The following INSR variants were observed in gnomAD, a reference collection of about 807,000 sequenced individuals.
INSR encodes the protein insulin receptor.
In INSR, 67 loss-of-function variants were observed where a neutral mutation model predicts 142.6. That is an observed-to-expected ratio of 0.47 (90% CI 0.39 to 0.58). INSR has a LOEUF of 0.58. INSR is among the 20% of genes least tolerant of loss of function. The probability of loss-of-function intolerance (pLI) is 0.00; values close to 1 mark genes in which losing one functional copy is unlikely to be tolerated. For missense variants in INSR, 1,248 were observed against 1,833.2 expected, an observed-to-expected ratio of 0.68 and a Z score of 5.83; for synonymous variants, 756 against 743.1, an observed-to-expected ratio of 1.02 and a Z score of -0.28.
At position 7,147,445 on chromosome 19, in the gene INSR, G is replaced by A. The variant is rs571742977; in HGVS notation, c.2267+3052C>T. Among the ~76,000 whole-genome samples, 23 of 152,216 alleles carry A rather than the reference G, an allele frequency of 1.5e-4. No homozygotes were observed. The South Asian group carries it at 2.5e-3, about 17-fold the overall frequency. On this transcript the variant is annotated intron_variant, in intron 11 of 21. Transcript: ENST00000302850. The stretch of plus-strand genomic sequence containing the variant: ...CTGCCTGGGCCTCCCAAAGTGCTGC[G>A]ATTACAGGTGTGAGTCACTGCGCCC...
At chr19:7,280,964 G>A (rs1390401637) in intron 1 of INSR, among the ~76,000 whole-genome samples, 3 of 152,128 alleles carry the variant, frequency 2.0e-5, no homozygotes, top group Non-Finnish European at 4.4e-5. Flanking sequence ...CAGGGACTAG[G>A]AAGGGCACCT....
At chr19:7,135,090 T>TAAAAAAAA (rs5826960) in intron 13 of INSR, among the ~76,000 whole-genome samples, 1 of 78,440 alleles carries the variant, frequency 1.3e-5, no homozygotes, top group African/African-American at 5.6e-5. Flanking sequence ...AAAGAAATGT[T>TAAAAAAAA]AAAAAAAAAA....
rs1408742483 is a variant in INSR at position 7,115,235 on chromosome 19, T to C, written c.*1821A>G. ...GCACTCAGGAATAACGCATGGGCGA[T>C]GATTTTTTGATGAACCAAAGTGATG... On this transcript the variant is annotated 3_prime_UTR_variant, in exon 22 of 22. Transcript: ENST00000302850. 2 of 152,284 alleles carry C rather than the reference T, an allele frequency of 1.3e-5. No individual in the cohort carries two copies. Among genetic ancestry groups the C allele is most frequent in the African/African-American group, 2.4e-5 (1 of 41,482 alleles). The allele number at this position is 152,284 out of a possible 1,614,324, so 9.4% of individuals were successfully genotyped here.
intron 2 of INSR, among the ~76,000 whole-genome samples, chr19:7,217,410 G>C (rs1450593899): frequency 6.6e-6 from 1 of 152,128 alleles, no homozygotes; most frequent in Admixed American, 6.6e-5. Context: ...TGCCAAGTGA[G>C]GTACCAAATT....
chr19:7,187,312 C>T (rs1445575808), intron 2 of INSR, among the ~76,000 whole-genome samples: 1 of 151,778 alleles, frequency 6.6e-6, no homozygotes, highest in Non-Finnish European at 1.5e-5. Flanking sequence ...GAACTCCTGA[C>T]CTCAAGTGAT....
intron 14 of INSR, among the ~76,000 whole-genome samples, chr19:7,131,115 A>G (rs1173723230): frequency 6.7e-6 from 1 of 149,182 alleles, no homozygotes; most frequent in Non-Finnish European, 1.5e-5. Context: ...CCTGACCTCA[A>G]GTGATCCGCC....
intron 2 of INSR, among the ~76,000 whole-genome samples, chr19:7,257,235 T>C (rs1976922041): frequency 6.6e-6 from 1 of 152,090 alleles, no homozygotes; most frequent in African/African-American, 2.4e-5. Context: ...TGAGCCACCG[T>C]GCCCGGCCTC....
At chr19:7,283,754 C>T (rs1280430566) in intron 1 of INSR, among the ~76,000 whole-genome samples, 1 of 152,068 alleles carries the variant, frequency 6.6e-6, no homozygotes, top group East Asian at 1.9e-4. Context: ...AAACCACTTG[C>T]AGCCGATTCT....
intron 2 of INSR, among the ~76,000 whole-genome samples, chr19:7,249,571 A>G (rs149462616): frequency 6.6e-6 from 1 of 152,246 alleles, no homozygotes; most frequent in East Asian, 1.9e-4. Context: ...GCCCATTTTT[A>G]AAAAATGGGT....
At chr19:7,149,150 G>A (rs978116077) in intron 11 of INSR, among the ~76,000 whole-genome samples, 1 of 150,366 alleles carries the variant, frequency 6.7e-6, no homozygotes, top group Admixed American at 6.6e-5. Flanking sequence ...CTCATGATCC[G>A]CCCGCCTCGG....
At chr19:7,207,495 C>G (rs1258472626) in intron 2 of INSR, among the ~76,000 whole-genome samples, 1 of 152,070 alleles carries the variant, frequency 6.6e-6, no homozygotes, top group Non-Finnish European at 1.5e-5. Flanking sequence ...AGCCCCCTCA[C>G]CCACACACAG....
At chr19:7,276,338 G>A (rs959080248) in intron 1 of INSR, among the ~76,000 whole-genome samples, 10 of 151,922 alleles carry the variant, frequency 6.6e-5, no homozygotes, top group African/African-American at 2.4e-4. Context: ...TAGAGATGGG[G>A]TTTCACCATG....
At chr19:7,184,046 G>A (rs1427405699) in intron 3 of INSR, among the ~76,000 whole-genome samples, 1 of 79,088 alleles carries the variant, frequency 1.3e-5, no homozygotes, top group East Asian at 3.0e-4. Flanking sequence ...GAGTCTTGCG[G>A]CAAGACTCCA....
At position 7,216,530 on chromosome 19, in the gene INSR, C is replaced by T. The variant is rs1273358653; in HGVS notation, c.653-31893G>A. Among the ~76,000 whole-genome samples, 2 of 152,168 alleles carry T rather than the reference C, an allele frequency of 1.3e-5. No homozygotes were observed. The highest frequency in any genetic ancestry group is 2.9e-5 in the Non-Finnish European group (2 of 68,032). On this transcript the variant is annotated intron_variant, in intron 2 of 21. Transcript: ENST00000302850. The surrounding 1 kb of genome is among the most constrained non-coding windows in gnomAD (Gnocchi z 4.2). Reference sequence around the variant, plus strand: ...GGGAACCACGGGGGATGTCCCCGGGCTCTGGGTTCGAAAATGCAGGCCCCT... The same window carrying T: ...GGGAACCACGGGGGATGTCCCCGGGTTCTGGGTTCGAAAATGCAGGCCCCT...
chr19:7,121,207 C>G (rs1268702673), intron 19 of INSR, among the ~76,000 whole-genome samples: 1 of 152,092 alleles, frequency 6.6e-6, no homozygotes, highest in Non-Finnish European at 1.5e-5. Context: ...CCGTGTTGAC[C>G]AGGCTGGTCT....
intron 2 of INSR, among the ~76,000 whole-genome samples, chr19:7,220,332 C>T (rs74176220): frequency 0.035 from 5,332 of 152,270 alleles, 141 homozygotes; most frequent in Non-Finnish European, 0.058. Context: ...GCTCTGTCGC[C>T]CAGCCTGGAG....
intron 2 of INSR, among the ~76,000 whole-genome samples, chr19:7,262,006 G>A (rs1211895653): frequency 6.6e-6 from 1 of 152,170 alleles, no homozygotes. Context: ...TGCCAAGTGT[G>A]GAAGACAAAA....
In INSR at chr19:7,114,682, A is replaced by T. The variant is rs1350997290; in HGVS notation, c.*2374T>A. On this transcript the variant is annotated 3_prime_UTR_variant, in exon 22 of 22. Coordinates refer to ENST00000302850, the MANE Select transcript of INSR (RefSeq NM_000208.4). ...GAGGTAGACTGTGCTGAAAAAAGAA[A>T]ATCACTATCCCCCATTCACCTGTTT... is the stretch of plus-strand genomic sequence containing the variant. The T allele has an allele frequency of 6.6e-6, 1 of 152,618 alleles. No individual in the cohort carries two copies. The highest frequency in any genetic ancestry group is 1.5e-5 in the Non-Finnish European group (1 of 68,040). 9.5% of individuals were successfully genotyped at this position (152,618 alleles called of 1,614,324 possible). A position where few individuals can be genotyped will look rare whatever the true frequency, so the allele number is the denominator to read the frequency against.
rs976597982 is a variant in INSR at position 7,267,089 on chromosome 19, G to T, written c.652+256C>A. On this transcript the variant is annotated intron_variant, in intron 2 of 21. Coordinates refer to ENST00000302850, the MANE Select transcript of INSR (RefSeq NM_000208.4). This position sits in a 1 kb window ranked among gnomAD's most constrained non-coding sequence, Gnocchi z 6.3. ...CAGCCACAGTCATACATTTATGCAT[G>T]CCTGTGGCTGCTTGTCCAATACAGT... is the stretch of plus-strand genomic sequence containing the variant. 9.9e-5 allele frequency among the ~76,000 whole-genome samples: 15 copies of T among 151,966 alleles called. No individual in the cohort carries two copies. Among genetic ancestry groups the T allele is most frequent in the Admixed American group, 8.5e-4 (13 of 15,236 alleles).
Sources: allele counts gnomAD v4.1 joint callset (sites outside exome capture counted in the v4.1 genomes callset), GRCh38; gene constraint gnomAD v4.1.1; non-coding constraint Gnocchi (gnomAD v3.1); transcripts MANE v1.5; gene names NCBI Gene and HGNC (gene_info 2026-07-23, HGNC 2026-07-21).